PGCKA1: variants seen among roughly 807,000 people sequenced by gnomAD.
The protein encoded by PGCKA1 is PDCD10 and GCKIII kinases-associated protein 1.
chr4:37,501,081 T>G, the PGCKA1 span, among the ~76,000 whole-genome samples: 2 of 152,198 alleles, frequency 1.3e-5, no homozygotes, highest in Non-Finnish European at 2.9e-5. Context: ...TGCCACTCTG[T>G]GCCTTTTAAT....
At chr4:37,582,430 T>C in the PGCKA1 span, among the ~76,000 whole-genome samples, 1 of 152,204 alleles carries the variant, frequency 6.6e-6, no homozygotes, top group South Asian at 2.1e-4. Flanking sequence ...TTTAATACGA[T>C]TACCTAATCT....
At chr4:37,557,803 T>C in the PGCKA1 span, among the ~76,000 whole-genome samples, 1 of 152,228 alleles carries the variant, frequency 6.6e-6, no homozygotes, top group Non-Finnish European at 1.5e-5. Context: ...TGGTTAACTG[T>C]GAGTTGATTG....
At chr4:37,582,728 T>C in the PGCKA1 span, among the ~76,000 whole-genome samples, 1 of 152,220 alleles carries the variant, frequency 6.6e-6, no homozygotes, top group African/African-American at 2.4e-5. Flanking sequence ...TTGATTAGTC[T>C]CATTATGGCA....
the PGCKA1 span, among the ~76,000 whole-genome samples, chr4:37,503,027 G>T: frequency 6.6e-6 from 1 of 152,126 alleles, no homozygotes; most frequent in Non-Finnish European, 1.5e-5. Context: ...TGGGGAATGG[G>T]CGTCCCTGGC....
the PGCKA1 span, among the ~76,000 whole-genome samples, chr4:37,542,753 A>G: frequency 1.3e-5 from 2 of 152,196 alleles, no homozygotes; most frequent in African/African-American, 4.8e-5. Flanking sequence ...GCTCCAGAAT[A>G]TTCAGAAAGA....
the PGCKA1 span, among the ~76,000 whole-genome samples, chr4:37,479,991 A>G: frequency 1.3e-5 from 2 of 152,240 alleles, no homozygotes; most frequent in African/African-American, 4.8e-5. Flanking sequence ...TGAAGTATTT[A>G]TAAAATAAAA....
chr4:37,504,623 TC>T, the PGCKA1 span, among the ~76,000 whole-genome samples: 1 of 152,212 alleles, frequency 6.6e-6, no homozygotes, highest in African/African-American at 2.4e-5. Context: ...TTTATAGTTT[TC>T]ATTGTAGAGC....
chr4:37,521,141 A>G, the PGCKA1 span, among the ~76,000 whole-genome samples: 1 of 151,816 alleles, frequency 6.6e-6, no homozygotes, highest in Non-Finnish European at 1.5e-5. Context: ...GCTTTTTAAG[A>G]TGTATCATTA....
the PGCKA1 span, among the ~76,000 whole-genome samples, chr4:37,561,364 A>G: frequency 1.3e-5 from 2 of 152,240 alleles, no homozygotes. Flanking sequence ...CAAAAAATGA[A>G]TTAAATAAAA....
At chr4:37,506,065 A>G in the PGCKA1 span, among the ~76,000 whole-genome samples, 14 of 152,334 alleles carry the variant, frequency 9.2e-5, no homozygotes, top group Admixed American at 1.3e-4. Flanking sequence ...GTTTTAATTC[A>G]TTGGCATATA....
At chr4:37,582,010 T>C in the PGCKA1 span, among the ~76,000 whole-genome samples, 22 of 152,306 alleles carry the variant, frequency 1.4e-4, 1 homozygote, top group Admixed American at 1.2e-3. Context: ...TTAGCTGATT[T>C]CAGCCTGGTT....
At chr4:37,477,356 G>A in the PGCKA1 span, among the ~76,000 whole-genome samples, 1 of 152,138 alleles carries the variant, frequency 6.6e-6, no homozygotes, top group Non-Finnish European at 1.5e-5. Flanking sequence ...ATACAGAGAT[G>A]GAAAGTAGAT....
chr4:37,583,916 C>G, the PGCKA1 span, among the ~76,000 whole-genome samples: 1 of 152,310 alleles, frequency 6.6e-6, no homozygotes, highest in Non-Finnish European at 1.5e-5. Flanking sequence ...TGAATTCTTA[C>G]CTTTAAGCTA....
chr4:37,519,358 G>A, the PGCKA1 span, among the ~76,000 whole-genome samples: 217 of 152,134 alleles, frequency 1.4e-3, 2 homozygotes, highest in African/African-American at 4.9e-3. Context: ...ATTGCTTTGG[G>A]TAGTATGGAC....
the PGCKA1 span, among the ~76,000 whole-genome samples, chr4:37,546,485 CTCAA>C: frequency 6.6e-6 from 1 of 152,224 alleles, no homozygotes; most frequent in Non-Finnish European, 1.5e-5. Flanking sequence ...CCCTAGATTG[CTCAA>C]TCAATCACGA....
At chr4:37,546,044 G>C in the PGCKA1 span, among the ~76,000 whole-genome samples, 1 of 152,156 alleles carries the variant, frequency 6.6e-6, no homozygotes, top group Non-Finnish European at 1.5e-5. Flanking sequence ...ACTAATAGAT[G>C]ATGAGAAGGA....
chr4:37,563,444 G>A, the PGCKA1 span, among the ~76,000 whole-genome samples: 2 of 137,318 alleles, frequency 1.5e-5, no homozygotes, highest in Admixed American at 7.6e-5. Context: ...TAATCTTCCC[G>A]AGGTTGCTCA....
the PGCKA1 span, among the ~76,000 whole-genome samples, chr4:37,467,312 CAAAT>C: frequency 1.7e-4 from 26 of 152,140 alleles, no homozygotes; most frequent in Middle Eastern, 3.4e-3. Flanking sequence ...AAATTTTAAA[CAAAT>C]AACAGTGAAG....
At chr4:37,541,734 G>A in the PGCKA1 span, among the ~76,000 whole-genome samples, 1 of 152,160 alleles carries the variant, frequency 6.6e-6, no homozygotes, top group South Asian at 2.1e-4. Flanking sequence ...TTCAAATTCA[G>A]GAGTTTCTGG....
Sources: allele counts gnomAD v4.1 joint callset (sites outside exome capture counted in the v4.1 genomes callset), GRCh38; gene constraint gnomAD v4.1.1; transcripts MANE v1.5; gene names NCBI Gene and HGNC (gene_info 2026-07-23, HGNC 2026-07-21).